PON3: variants seen among roughly 807,000 people sequenced by gnomAD.
PON3 encodes serum paraoxonase/lactonase 3.
PON3 carries 37 observed loss-of-function variants against 36.3 expected under a neutral mutation model. The ratio of observed to expected loss-of-function variants is 1.02; its 90% CI spans 0.78 to 1.34. The LOEUF is 1.34. PON3 is among the 40% of genes most tolerant of loss of function. The pLI is 0.00. For synonymous variants in PON3, 155 were observed against 154.8 expected, an observed-to-expected ratio of 1.00 and a Z score of -0.01; for missense variants, 415 against 426.5, an observed-to-expected ratio of 0.97 and a Z score of 0.24.
Position 95,382,856 on chromosome 7 carries a change from G to A in PON3, c.201+7298C>T, listed in dbSNP as rs1809093199. The stretch of plus-strand genomic sequence containing the variant: ...AATCCTCCCTAACTCATTTTATGAG[G>A]CCAGCATCATCCTGATACCAAGGCC... On this transcript the variant is annotated intron_variant, in intron 3 of 8. Coordinates refer to ENST00000265627, the MANE Select transcript of PON3 (RefSeq NM_000940.3). Among the ~76,000 whole-genome samples the A allele has an allele frequency of 2.6e-5, 4 of 152,148 alleles. No individual in the cohort carries two copies. In the South Asian group the frequency reaches 8.3e-4, roughly 32 times the overall value.
intron 3 of PON3, among the ~76,000 whole-genome samples, chr7:95,384,473 T>C (rs1232661671): frequency 6.6e-6 from 1 of 151,886 alleles, no homozygotes; most frequent in Non-Finnish European, 1.5e-5. Flanking sequence ...AGGGCTAATA[T>C]CCAGAATCTA....
intron 3 of PON3, among the ~76,000 whole-genome samples, chr7:95,378,870 A>G (rs1233152723): frequency 1.3e-5 from 2 of 152,220 alleles, no homozygotes; most frequent in Non-Finnish European, 2.9e-5. Context: ...ACCAGCTAAC[A>G]TCATAATGAC....
intron 3 of PON3, among the ~76,000 whole-genome samples, chr7:95,387,350 A>G (rs1292605445): frequency 2.6e-5 from 4 of 152,200 alleles, no homozygotes; most frequent in Non-Finnish European, 5.9e-5. Flanking sequence ...TAACAGACAG[A>G]GAGCCAATCA....
intron 3 of PON3, among the ~76,000 whole-genome samples, chr7:95,386,901 T>C (rs1245466337): frequency 6.6e-6 from 1 of 152,140 alleles, no homozygotes; most frequent in African/African-American, 2.4e-5. Flanking sequence ...ATTATCTCAA[T>C]AGATGCAGAA....
intron 3 of PON3, among the ~76,000 whole-genome samples, chr7:95,385,003 C>T (rs75977113): frequency 0.036 from 5,434 of 152,270 alleles, 135 homozygotes; most frequent in Admixed American, 0.052. Flanking sequence ...CACATATACA[C>T]CATGGAATAC....
chr7:95,360,096 G>A lies in PON3; in HGVS notation c.942C>T (p.Pro314=). 1 of 1,613,710 alleles carries A rather than the reference G, an allele frequency of 6.2e-7. No homozygotes were observed. The highest frequency in any genetic ancestry group is 8.5e-7 in the Non-Finnish European group (1 of 1,179,708). The stretch of plus-strand genomic sequence containing the variant: ...TGTTGGCATACACGGTGCTCACCCT[G>A]GGCTTCTCAGACAAAACATTCTGGA... The part of the protein sequence containing the change: ...LRIQNVLSEK[P]RVSTVYANNG... The change falls in exon 9 of 9, where the codon CCC becomes CCT. Residue 314 remains proline (P), a synonymous_variant. Coordinates refer to ENST00000265627, the MANE Select transcript of PON3 (RefSeq NM_000940.3).
chr7:95,394,294 G>A (rs996972144), intron 2 of PON3, among the ~76,000 whole-genome samples: 9 of 1,412 alleles, frequency 6.4e-3, no homozygotes, highest in Non-Finnish European at 0.043. Context: ...AGGGAGGAAG[G>A]AAAGAAGAAA....
intron 4 of PON3, among the ~76,000 whole-genome samples, chr7:95,370,518 T>A (rs1398709296): frequency 6.6e-6 from 1 of 152,074 alleles, no homozygotes; most frequent in East Asian, 1.9e-4. Flanking sequence ...CAATGAAAAA[T>A]TGTTAGATTC....
At chr7:95,369,124 T>C (rs1210612511) in intron 4 of PON3, among the ~76,000 whole-genome samples, 1 of 152,218 alleles carries the variant, frequency 6.6e-6, no homozygotes, top group Non-Finnish European at 1.5e-5. Flanking sequence ...CTAAACTTCA[T>C]TGTATCCATC....
At chr7:95,374,598 A>G (rs1026981167) in intron 3 of PON3, among the ~76,000 whole-genome samples, 2 of 152,034 alleles carry the variant, frequency 1.3e-5, no homozygotes, top group African/African-American at 4.8e-5. Context: ...ACATCACCTG[A>G]TCTTATTGCC....
chr7:95,363,326 A>T (rs763764451), intron 6 of PON3, among the ~76,000 whole-genome samples: 2 of 152,286 alleles, frequency 1.3e-5, no homozygotes, highest in South Asian at 2.1e-4. Context: ...TTCTGTTTAT[A>T]AAAAAACCTC....
intron 3 of PON3, among the ~76,000 whole-genome samples, chr7:95,374,699 G>GATAA (rs1808877360): frequency 6.6e-6 from 1 of 151,780 alleles, no homozygotes; most frequent in Non-Finnish European, 1.5e-5. Context: ...TCATATAAAT[G>GATAA]GTCTCCAAAT....
At chr7:95,394,146 C>T (rs986331966) in intron 2 of PON3, among the ~76,000 whole-genome samples, 2 of 152,156 alleles carry the variant, frequency 1.3e-5, no homozygotes, top group Admixed American at 6.5e-5. Flanking sequence ...GATCCGCCCC[C>T]CTCGGCCTCC....
At chr7:95,396,188 C>A (rs1809428524) in intron 1 of PON3, 89 bp downstream of exon 1, 2 of 1,426,288 alleles carry the variant, frequency 1.4e-6, no homozygotes, top group Admixed American at 1.7e-5. Context: ...CTTTCCTACC[C>A]GCTAGGAAGG....
intron 6 of PON3, 103 bp from the exon 7 acceptor site, chr7:95,362,944 C>T: frequency 1.3e-6 from 1 of 767,966 alleles, no homozygotes; most frequent in South Asian, 1.4e-5. Context: ...CTTGAAAGTA[C>T]CACTGCAATC....
chr7:95,362,642 T>A, intron 7 of PON3, 118 bp downstream of exon 7: 1 of 1,376,354 alleles, frequency 7.3e-7, no homozygotes, highest in African/African-American at 1.4e-5. Context: ...GCATGCATAA[T>A]CTCACTGGCA....
At chr7:95,385,474 A>C (rs1809168347) in intron 3 of PON3, among the ~76,000 whole-genome samples, 1 of 152,170 alleles carries the variant, frequency 6.6e-6, no homozygotes, top group Non-Finnish European at 1.5e-5. Flanking sequence ...CTACTGGGAG[A>C]CTTTAACACC....
chr7:95,394,666 G>C lies in PON3; in HGVS notation c.123C>G (p.Asn41Lys). Reference sequence around the variant, plus strand: ...TACCAAGTTCCTCAATAAGGTGGCAGTTTTCAGGTTCTACTGGCTCCACTT... The same window carrying C: ...TACCAAGTTCCTCAATAAGGTGGCACTTTTCAGGTTCTACTGGCTCCACTT... ...SREVEPVEPE[N>K]CHLIEELESG... Residue 41 changes from asparagine to lysine, a missense_variant, in exon 2 of 9, where the codon AAC becomes AAG. Physicochemically the swap from Asn to Lys is moderately conservative, Grantham distance 94. Transcript: ENST00000265627. 6.2e-7 allele frequency: 1 copy of C among 1,614,128 alleles called. No homozygotes were observed.
intron 3 of PON3, among the ~76,000 whole-genome samples, chr7:95,385,057 C>T (rs1809157539): frequency 6.6e-6 from 1 of 152,112 alleles, no homozygotes; most frequent in Admixed American, 6.5e-5. Flanking sequence ...TTTGTAGGAA[C>T]ATGGATGAAA....
Sources: allele counts gnomAD v4.1 joint callset (sites outside exome capture counted in the v4.1 genomes callset), GRCh38; gene constraint gnomAD v4.1.1; transcripts MANE v1.5; gene names NCBI Gene and HGNC (gene_info 2026-07-23, HGNC 2026-07-21).